PRR11: variants seen among roughly 807,000 people sequenced by gnomAD.
PRR11 encodes the protein proline-rich protein 11.
PRR11 carries 30 observed loss-of-function variants against 45.6 expected under a neutral mutation model. The ratio of observed to expected loss-of-function variants is 0.66; its 90% CI spans 0.49 to 0.89. The LOEUF (loss-of-function observed/expected upper bound fraction) is 0.89, where lower values mean the gene tolerates loss of function less well. Among genes scored for constraint, PRR11 ranks in the 40% least tolerant of loss-of-function variants. The probability of loss-of-function intolerance (pLI) is 0.00; values close to 1 mark genes in which losing one functional copy is unlikely to be tolerated. For missense variants in PRR11, 373 were observed against 424.8 expected, an observed-to-expected ratio of 0.88 and a Z score of 1.07; for synonymous variants, 128 against 153.5, an observed-to-expected ratio of 0.83 and a Z score of 1.23.
chr17:59,182,266 G>T (rs1730537644), intron 2 of PRR11, among the ~76,000 whole-genome samples: 1 of 151,572 alleles, frequency 6.6e-6, no homozygotes, highest in African/African-American at 2.4e-5. Flanking sequence ...GGCCTCAAGT[G>T]ATCTGCCCGC....
At chr17:59,162,577 G>C (rs1449107372) in intron 1 of PRR11, among the ~76,000 whole-genome samples, 1 of 152,012 alleles carries the variant, frequency 6.6e-6, no homozygotes, top group African/African-American at 2.4e-5. Context: ...AATTGTCAGA[G>C]GCAACACTAT....
rs532581167 is a variant in PRR11 at position 59,206,694 on chromosome 17, G to C, written c.*5063G>C. Among the ~76,000 whole-genome samples, 61 of 152,056 alleles carry C rather than the reference G, an allele frequency of 4.0e-4. No individual in the cohort carries two copies. In the East Asian group the frequency reaches 0.011, roughly 28 times the overall value. On this transcript the variant is annotated 3_prime_UTR_variant, in exon 10 of 10. Transcript: ENST00000262293. The stretch of plus-strand genomic sequence containing the variant: ...AAAATAAAGATTAATAAAAGTTTTG[G>C]TTTTTCTCTTTCTAACCTTCTTTTT...
chr17:59,180,322 G>A (rs1039756227), intron 2 of PRR11, among the ~76,000 whole-genome samples: 4 of 150,252 alleles, frequency 2.7e-5, no homozygotes, highest in East Asian at 2.0e-4. Flanking sequence ...GTAGGGATGG[G>A]GTTTCACCAT....
At chr17:59,158,031 TTTGTGAG>T (rs1302155273) in intron 1 of PRR11, among the ~76,000 whole-genome samples, 3 of 152,216 alleles carry the variant, frequency 2.0e-5, no homozygotes, top group African/African-American at 7.2e-5. Flanking sequence ...GGAATTTAAT[TTTGTGAG>T]TAAAGGAACC....
In PRR11 at chr17:59,201,990, C is replaced by G; in HGVS notation, c.*359C>G. 4.3e-6 allele frequency: 1 copy of G among 230,542 alleles called. No individual in the cohort carries two copies. The highest frequency in any genetic ancestry group is 8.8e-6 in the Non-Finnish European group (1 of 114,090). The allele number at this position is 230,542 out of a possible 1,614,324, so 14.3% of individuals were successfully genotyped here. On this transcript the variant is annotated 3_prime_UTR_variant, in exon 10 of 10. Coordinates refer to ENST00000262293, the MANE Select transcript of PRR11 (RefSeq NM_018304.4). ...AAAACAAACAAACAAACAAAAAAAA[C>G]CCACCCAAATCCTTTTTTTTAATGT...
intron 5 of PRR11, 61 bp downstream of exon 5, chr17:59,193,795 G>A (rs879160286): frequency 1.0e-5 from 16 of 1,547,204 alleles, no homozygotes; most frequent in South Asian, 3.6e-5. Flanking sequence ...TAATATAGGA[G>A]TAAAGCCAAG....
chr17:59,168,143 TTTTTA>T (rs149225177), intron 1 of PRR11, among the ~76,000 whole-genome samples: 511 of 150,910 alleles, frequency 3.4e-3, no homozygotes, highest in African/African-American at 0.011. Flanking sequence ...CTAGGTAATG[TTTTTA>T]TTTTATTTTA....
Position 59,203,796 on chromosome 17 carries a change from C to A in PRR11, c.*2165C>A, listed in dbSNP as rs1411492798. ...GCAGTGAGCCGAGATTGCAACACTG[C>A]CACTCCAGCCTGGGTGACAGAGCAA... On this transcript the variant is annotated 3_prime_UTR_variant, in exon 10 of 10. Transcript: ENST00000262293. 6.7e-6 allele frequency: 1 copy of A among 148,380 alleles called. No individual in the cohort carries two copies. The highest frequency in any genetic ancestry group is 1.5e-5 in the Non-Finnish European group (1 of 67,464). 9.2% of individuals were successfully genotyped at this position (148,380 alleles called of 1,614,324 possible).
chr17:59,187,591 G>T (rs960566149), intron 4 of PRR11, among the ~76,000 whole-genome samples: 1 of 151,810 alleles, frequency 6.6e-6, no homozygotes, highest in African/African-American at 2.4e-5. Flanking sequence ...AGGGCTGAGC[G>T]CAGTGGCTCA....
In PRR11 at chr17:59,203,319, G is replaced by A. The variant is rs1224618413; in HGVS notation, c.*1688G>A. On this transcript the variant is annotated 3_prime_UTR_variant, in exon 10 of 10. Transcript: ENST00000262293. ...GGCTCACTGCAACCTCCACCTCCCAGGTTCAAGCAATTCTCCTGCCTCAGC... is the reference window on the plus strand; with the variant it reads ...GGCTCACTGCAACCTCCACCTCCCAAGTTCAAGCAATTCTCCTGCCTCAGC... The A allele has an allele frequency of 6.6e-6, 1 of 152,170 alleles. No homozygotes were observed. Among genetic ancestry groups the A allele is most frequent in the Non-Finnish European group, 1.5e-5 (1 of 68,074 alleles). The allele number at this position is 152,170 out of a possible 1,614,324, so 9.4% of individuals were successfully genotyped here. A position where few individuals can be genotyped will look rare whatever the true frequency, so the allele number is the denominator to read the frequency against.
chr17:59,205,720 T>C lies in PRR11; in HGVS notation c.*4089T>C, dbSNP rs1467554052. On this transcript the variant is annotated 3_prime_UTR_variant, in exon 10 of 10. Transcript: ENST00000262293. ...CTCAAAAAAAAAAAAAAAGTATATG[T>C]TAAGTATAGAAAAATATATAAATTA... Among the ~76,000 whole-genome samples the C allele has an allele frequency of 4.7e-5, 7 of 149,432 alleles. No homozygotes were observed. Among genetic ancestry groups the C allele is most frequent in the Non-Finnish European group, 8.9e-5 (6 of 67,516 alleles).
intron 4 of PRR11, among the ~76,000 whole-genome samples, chr17:59,190,950 G>A (rs1044225711): frequency 1.3e-5 from 2 of 152,176 alleles, no homozygotes; most frequent in Admixed American, 6.5e-5. Context: ...CTAGTCCCTG[G>A]GCCTGTTTGC....
chr17:59,184,291 G>A (rs1453981226), intron 2 of PRR11, among the ~76,000 whole-genome samples: 13 of 151,994 alleles, frequency 8.6e-5, no homozygotes, highest in Middle Eastern at 3.4e-3. Flanking sequence ...GTGAAACCCC[G>A]TCTCTACTAA....
chr17:59,176,367 C>T (rs572573879), intron 2 of PRR11, among the ~76,000 whole-genome samples: 86 of 152,268 alleles, frequency 5.6e-4, no homozygotes, highest in South Asian at 8.3e-4. Context: ...TTTGGAAAGA[C>T]GCTCAGGCTG....
At chr17:59,173,750 C>G (rs1011087218) in intron 2 of PRR11, among the ~76,000 whole-genome samples, 1 of 152,202 alleles carries the variant, frequency 6.6e-6, no homozygotes, top group African/African-American at 2.4e-5. Flanking sequence ...AAGTACCCCC[C>G]TGGTTCTGGG....
chr17:59,167,618 T>C (rs1438033207), intron 1 of PRR11, among the ~76,000 whole-genome samples: 1 of 152,178 alleles, frequency 6.6e-6, no homozygotes, highest in East Asian at 1.9e-4. Context: ...GATTATATGC[T>C]AAACAAGGGG....
At chr17:59,176,684 CTTTTTT>C (rs71367676) in intron 2 of PRR11, among the ~76,000 whole-genome samples, 5 of 39,002 alleles carry the variant, frequency 1.3e-4, no homozygotes, top group African/African-American at 2.4e-4. Flanking sequence ...GTTTTTTTGG[CTTTTTT>C]TTTTTTTTTT....
At chr17:59,160,567 A>C (rs974529598) in intron 1 of PRR11, among the ~76,000 whole-genome samples, 4 of 151,932 alleles carry the variant, frequency 2.6e-5, no homozygotes, top group African/African-American at 9.7e-5. Flanking sequence ...GCCACCATGC[A>C]CGGCCTATAA....
chr17:59,162,281 A>C (rs1315044228), intron 1 of PRR11, among the ~76,000 whole-genome samples: 1 of 151,828 alleles, frequency 6.6e-6, no homozygotes, highest in Non-Finnish European at 1.5e-5. Context: ...AAGAAATATG[A>C]CTTAGTTCCT....
Sources: gnomAD v4.1 joint callset for allele counts (sites outside exome capture counted in the v4.1 genomes callset) on GRCh38, gnomAD v4.1.1 for gene constraint, MANE v1.5 for transcripts, NCBI Gene and HGNC (gene_info 2026-07-23, HGNC 2026-07-21) for gene names.